Variants in DIP2A observed in about 807,000 individuals in gnomAD.
The protein encoded by DIP2A is disco-interacting protein 2 homolog A.
DIP2A carries 85 observed loss-of-function variants against 177.4 expected under a neutral mutation model. The observed-to-expected ratio is 0.48, with a 90% CI of 0.40 to 0.57. The LOEUF is 0.57. DIP2A is among the 20% of genes least tolerant of loss of function. The pLI, the probability that DIP2A is intolerant of heterozygous loss-of-function variation, is 0.00. For missense variants in DIP2A, 1,791 were observed against 2,100.2 expected (o/e 0.85, Z 2.88); for synonymous variants, 886 against 881.8 (o/e 1.00, Z -0.08).
the DIP2A span, among the ~76,000 whole-genome samples, chr21:46,582,167 C>T: frequency 3.9e-5 from 6 of 152,136 alleles, no homozygotes; most frequent in Non-Finnish European, 4.4e-5. Flanking sequence ...ACAGGGAGGC[C>T]CTGCCCATTG....
At position 46,484,822 on chromosome 21, in the gene DIP2A, A is replaced by ATTCAAGG; in HGVS notation, c.159_163+2dup. 6.3e-7 allele frequency: 1 copy of ATTCAAGG among 1,580,538 alleles called. No individual in the cohort carries two copies. Among genetic ancestry groups the ATTCAAGG allele is most frequent in the Non-Finnish European group, 8.6e-7 (1 of 1,163,186 alleles). ...GCTGCTTGCACGTTATATACCGCTT[A>ATTCAAGG]TTCAAGGTAAGGTCAATACACTCAG... On this transcript the variant is annotated frameshift_variant, in exon 2 of 38. Coordinates refer to ENST00000417564, the MANE Select transcript of DIP2A (RefSeq NM_015151.4). LOFTEE classifies it high-confidence loss of function.
chr21:46,550,136 A>G (rs756690473), intron 22 of DIP2A: 6 of 1,038,414 alleles, frequency 5.8e-6, no homozygotes, highest in Non-Finnish European at 8.0e-6. Flanking sequence ...TTTTTTTCTG[A>G]TGAGAACATT....
chr21:46,506,274 C>A (rs990125551), intron 6 of DIP2A, among the ~76,000 whole-genome samples: 1 of 151,878 alleles, frequency 6.6e-6, no homozygotes, highest in Non-Finnish European at 1.5e-5. Context: ...TGTGCCACCA[C>A]GCCCAGTTAA....
At chr21:46,474,211 G>A (rs2055648240) in intron 1 of DIP2A, among the ~76,000 whole-genome samples, 1 of 152,182 alleles carries the variant, frequency 6.6e-6, no homozygotes, top group African/African-American at 2.4e-5. Context: ...TGATGGTGCT[G>A]CTCACGAAGA....
At chr21:46,463,642 T>C (rs1428705073) in intron 1 of DIP2A, among the ~76,000 whole-genome samples, 1 of 152,050 alleles carries the variant, frequency 6.6e-6, no homozygotes, top group Non-Finnish European at 1.5e-5. Context: ...GCTTTTTTCC[T>C]CTTTAACTGT....
chr21:46,497,171 A>G lies in DIP2A; in HGVS notation c.403+64A>G, dbSNP rs779014005. The stretch of plus-strand genomic sequence containing the variant: ...TGTTTCACAGGCCTGATGTTATCCT[A>G]TTTACTTCCCATTGAGTTGGAATAT... On this transcript the variant is annotated intron_variant, in intron 4 of 37. Coordinates refer to ENST00000417564, the MANE Select transcript of DIP2A (RefSeq NM_015151.4). The G allele has an allele frequency of 3.2e-6, 5 of 1,549,026 alleles. No homozygotes were observed. The African/African-American group carries it at 4.1e-5, about 13-fold the overall frequency.
At chr21:46,570,270 A>G (rs2148933700), downstream of DIP2A, among the ~76,000 whole-genome samples, 1 of 152,298 alleles carries the variant, frequency 6.6e-6, no homozygotes, top group South Asian at 2.1e-4. Flanking sequence ...GGATGACAGC[A>G]TGGAAAAGGC....
chr21:46,562,127 C>T (rs67935828), intron 34 of DIP2A, among the ~76,000 whole-genome samples: 39,379 of 152,134 alleles, frequency 0.26, 5,694 homozygotes, highest in South Asian at 0.4. Context: ...CCGGCCCACC[C>T]ACACATTTAG....
rs901054945 is a variant in DIP2A at position 46,508,818 on chromosome 21, C to T, written c.785-439C>T. On this transcript the variant is annotated intron_variant, in intron 6 of 37. Coordinates refer to ENST00000417564, the MANE Select transcript of DIP2A (RefSeq NM_015151.4). ...CAGGTGGATCACGAGGTGAAGAGAT[C>T]GATACCATCCTGGCCAACATGGTGA... Among the ~76,000 whole-genome samples the T allele has an allele frequency of 7.3e-5, 11 of 151,638 alleles. No individual in the cohort carries two copies. The East Asian group carries it at 1.0e-3, about 14-fold the overall frequency.
At chr21:46,527,711 G>A (rs377430105) in intron 8 of DIP2A, among the ~76,000 whole-genome samples, 10 of 151,816 alleles carry the variant, frequency 6.6e-5, no homozygotes, top group Non-Finnish European at 1.2e-4. Context: ...ATTATTACAC[G>A]GGAAATTGAG....
intron 15 of DIP2A, 37 bp from the exon 16 acceptor site, chr21:46,538,446 G>A: frequency 6.5e-7 from 1 of 1,536,416 alleles, no homozygotes; most frequent in South Asian, 1.2e-5. Context: ...GCCAGTCCTT[G>A]TGACGCAGGG....
At chr21:46,500,942 T>C (rs1038219949) in intron 5 of DIP2A, among the ~76,000 whole-genome samples, 17 of 152,234 alleles carry the variant, frequency 1.1e-4, no homozygotes, top group African/African-American at 4.1e-4. Context: ...CATCAACATT[T>C]TGTGATCAAT....
At chr21:46,547,224 C>G in intron 21 of DIP2A, 182 bp downstream of exon 21, 1 of 1,392,354 alleles carries the variant, frequency 7.2e-7, no homozygotes, top group Non-Finnish European at 9.3e-7. Flanking sequence ...AGTTAATATC[C>G]TTACTGTCCA....
At chr21:46,559,921 A>G (rs913189836) in intron 32 of DIP2A, among the ~76,000 whole-genome samples, 2 of 152,194 alleles carry the variant, frequency 1.3e-5, no homozygotes, top group African/African-American at 2.4e-5. Flanking sequence ...CCATGAGTTC[A>G]TGTGACTTTC....
chr21:46,512,439 T>C (rs780850937), intron 8 of DIP2A, among the ~76,000 whole-genome samples: 6 of 152,220 alleles, frequency 3.9e-5, no homozygotes, highest in Non-Finnish European at 8.8e-5. Flanking sequence ...TCCAGTTATC[T>C]CTTTTCTCAC....
rs553964895 is a variant in DIP2A, at chr21:46,542,075, T to TA, written c.2176+183dup. Reference sequence around the variant, plus strand: ...GCGATTCTCCTGCCTCAGCCTCTTATAAATACTCCAGGCTTCATAGTAGTG... The same window carrying TA: ...GCGATTCTCCTGCCTCAGCCTCTTATAAAATACTCCAGGCTTCATAGTAGTG... On this transcript the variant is annotated intron_variant, in intron 18 of 37. Coordinates refer to ENST00000417564, the MANE Select transcript of DIP2A (RefSeq NM_015151.4). Among the ~76,000 whole-genome samples, 27 of 152,286 alleles carry TA rather than the reference T, an allele frequency of 1.8e-4. No homozygotes were observed. The East Asian group carries it at 5.0e-3, about 28-fold the overall frequency.
chr21:46,562,790 G>A (rs906562767), intron 34 of DIP2A, among the ~76,000 whole-genome samples: 10 of 152,152 alleles, frequency 6.6e-5, no homozygotes, highest in Non-Finnish European at 1.0e-4. Flanking sequence ...GAGTGGAGTC[G>A]GGTGAGCTTA....
intron 2 of DIP2A, among the ~76,000 whole-genome samples, chr21:46,489,536 A>G (rs1013034719): frequency 6.6e-6 from 1 of 152,170 alleles, no homozygotes. Flanking sequence ...AGCCAGGTAG[A>G]GCCGTGTCGC....
At chr21:46,502,188 T>C (rs2057688305) in intron 5 of DIP2A, among the ~76,000 whole-genome samples, 1 of 152,056 alleles carries the variant, frequency 6.6e-6, no homozygotes, top group African/African-American at 2.4e-5. Context: ...CGGGCTAGAG[T>C]GCAGCGGTAT....
Sources: gnomAD v4.1 joint callset for allele counts (sites outside exome capture counted in the v4.1 genomes callset) on GRCh38, gnomAD v4.1.1 for gene constraint, MANE v1.5 for transcripts, NCBI Gene and HGNC (gene_info 2026-07-23, HGNC 2026-07-21) for gene names.